ARHGAP15: variants seen among roughly 807,000 people sequenced by gnomAD.
The protein encoded by ARHGAP15 is rho GTPase-activating protein 15.
In ARHGAP15, 51 loss-of-function variants were observed where a neutral mutation model predicts 63.7. The observed-to-expected ratio is 0.80, with a 90% confidence interval of 0.64 to 1.01. The LOEUF (loss-of-function observed/expected upper bound fraction) is 1.01. ARHGAP15 is among the 50% of genes least tolerant of loss of function. The pLI, the probability that ARHGAP15 is intolerant of heterozygous loss-of-function variation, is 0.00. For missense variants in ARHGAP15, 560 were observed against 564.6 expected (o/e 0.99, Z 0.08); for synonymous variants, 191 against 193.8 (o/e 0.99, Z 0.12).
Position 143,493,114 on chromosome 2 carries a change from G to T in ARHGAP15, c.826+5619G>T, listed in dbSNP as rs182122874. Among the ~76,000 whole-genome samples the T allele has an allele frequency of 1.6e-3, 242 of 152,018 alleles. 2 individuals carry two copies. The highest frequency in any genetic ancestry group is 0.01 in the Middle Eastern group (3 of 292). On this transcript the variant is annotated intron_variant, in intron 9 of 13. Coordinates refer to ENST00000295095, the MANE Select transcript of ARHGAP15 (RefSeq NM_018460.4). Reference sequence around the variant, plus strand: ...AATCTATCAACATTCATACTATTATGCTTACATAAGATTGTTTACTGTAGC... The same window carrying T: ...AATCTATCAACATTCATACTATTATTCTTACATAAGATTGTTTACTGTAGC...
chr2:143,321,990 T>C (rs764607405), intron 6 of ARHGAP15, among the ~76,000 whole-genome samples: 9 of 152,256 alleles, frequency 5.9e-5, no homozygotes, highest in African/African-American at 1.2e-4. Context: ...CGTAAGTAGA[T>C]ACAAGCTCTA....
At chr2:143,254,512 A>C (rs191622318) in intron 6 of ARHGAP15, among the ~76,000 whole-genome samples, 1 of 152,214 alleles carries the variant, frequency 6.6e-6, no homozygotes, top group African/African-American at 2.4e-5. Context: ...TTCTGAGTTA[A>C]ATATTTTGGA....
intron 13 of ARHGAP15, among the ~76,000 whole-genome samples, chr2:143,751,365 G>A (rs1686366627): frequency 6.6e-6 from 1 of 152,182 alleles, no homozygotes; most frequent in South Asian, 2.1e-4. Flanking sequence ...GAAGCTGCCT[G>A]CGGACTTGAC....
At chr2:143,730,128 G>A (rs781636828) in intron 13 of ARHGAP15, among the ~76,000 whole-genome samples, 2 of 152,196 alleles carry the variant, frequency 1.3e-5, no homozygotes, top group Non-Finnish European at 2.9e-5. Flanking sequence ...AAGCTACTTT[G>A]AAGATATAAA....
intron 8 of ARHGAP15, among the ~76,000 whole-genome samples, chr2:143,475,635 C>A (rs1026304236): frequency 9.2e-5 from 14 of 152,302 alleles, no homozygotes; most frequent in Admixed American, 8.5e-4. Flanking sequence ...AGGCCAGGAA[C>A]CTGTCTTACA....
At chr2:143,386,453 G>A (rs1194687353) in intron 6 of ARHGAP15, among the ~76,000 whole-genome samples, 3 of 152,092 alleles carry the variant, frequency 2.0e-5, no homozygotes, top group Non-Finnish European at 2.9e-5. Context: ...TGGATTAAAA[G>A]GAGAAAAATC....
At chr2:143,310,787 T>G (rs971886274) in intron 6 of ARHGAP15, among the ~76,000 whole-genome samples, 2 of 152,064 alleles carry the variant, frequency 1.3e-5, no homozygotes, top group East Asian at 3.8e-4. Context: ...ACTAAAACTT[T>G]GATGTACTGT....
rs745838443 is a variant in ARHGAP15, at chr2:143,543,646, AAT to A, written c.926-12750_926-12749del. 4.2e-3 allele frequency among the ~76,000 whole-genome samples: 633 copies of A among 151,586 alleles called. 1 individual carries two copies. The highest frequency in any genetic ancestry group is 7.8e-3 in the African/African-American group (325 of 41,418). ...GATCAGAAAGAAATGAGAGATATTA[AAT>A]ATATATATATAAATATGTATGTGTA... On this transcript the variant is annotated intron_variant, in intron 10 of 13. Transcript: ENST00000295095.
chr2:143,643,632 A>C (rs1680722101), intron 12 of ARHGAP15, among the ~76,000 whole-genome samples: 1 of 152,012 alleles, frequency 6.6e-6, no homozygotes, highest in Admixed American at 6.6e-5. Flanking sequence ...AAAGTTTAAG[A>C]AGCATCTAGT....
chr2:143,427,372 A>G (rs1553478910), intron 6 of ARHGAP15, among the ~76,000 whole-genome samples: 1 of 152,178 alleles, frequency 6.6e-6, no homozygotes, highest in Non-Finnish European at 1.5e-5. Flanking sequence ...TAATATTAAC[A>G]GTGTTCTTGT....
At chr2:143,247,575 G>A (rs1025724429) in intron 5 of ARHGAP15, among the ~76,000 whole-genome samples, 5 of 152,158 alleles carry the variant, frequency 3.3e-5, no homozygotes, top group Non-Finnish European at 1.5e-5. Context: ...AGCTTAGACT[G>A]TTTTACCCAC....
chr2:143,557,908 G>A (rs1195851950), intron 11 of ARHGAP15, among the ~76,000 whole-genome samples: 2 of 152,106 alleles, frequency 1.3e-5, no homozygotes, highest in Non-Finnish European at 2.9e-5. Context: ...AGATGGGGTA[G>A]AACTTAGACT....
At chr2:143,480,026 A>G (rs985544803) in intron 8 of ARHGAP15, among the ~76,000 whole-genome samples, 19 of 152,188 alleles carry the variant, frequency 1.2e-4, no homozygotes, top group African/African-American at 4.3e-4. Context: ...AGTACTCACT[A>G]TGAAACCCAA....
rs550558660 is a variant in ARHGAP15, at chr2:143,757,326, A to G, written c.1245-10663A>G. ...GGAGTTTGAGACCAGCCTGGCCAAT[A>G]TAGGGAAACCCCGTCTCTACTAAAA... On this transcript the variant is annotated intron_variant, in intron 13 of 13. Coordinates refer to ENST00000295095, the MANE Select transcript of ARHGAP15 (RefSeq NM_018460.4). Among the ~76,000 whole-genome samples the G allele has an allele frequency of 6.6e-5, 10 of 152,210 alleles. No individual in the cohort carries two copies. The South Asian group carries it at 2.1e-3, about 32-fold the overall frequency.
chr2:143,587,633 T>C, intron 11 of ARHGAP15: 1 of 432,124 alleles, frequency 2.3e-6, no homozygotes, highest in South Asian at 1.8e-5. Flanking sequence ...GCTTTTCCCT[T>C]CCCATAATGA....
chr2:143,354,559 T>A (rs1183504040), intron 6 of ARHGAP15, among the ~76,000 whole-genome samples: 2 of 152,058 alleles, frequency 1.3e-5, no homozygotes, highest in Non-Finnish European at 1.5e-5. Context: ...AATAACAAAA[T>A]ATTAAATGAT....
At chr2:143,379,227 A>G (rs1433929063) in intron 6 of ARHGAP15, among the ~76,000 whole-genome samples, 1 of 151,998 alleles carries the variant, frequency 6.6e-6, no homozygotes, top group African/African-American at 2.4e-5. Context: ...TGTGCACCAC[A>G]TGAGTAAATC....
chr2:143,147,794 T>G (rs1353679189), intron 1 of ARHGAP15, among the ~76,000 whole-genome samples: 1 of 152,022 alleles, frequency 6.6e-6, no homozygotes, highest in East Asian at 1.9e-4. Flanking sequence ...GGAATATTTT[T>G]TCCGTATCAC....
At chr2:143,738,940 A>T (rs867080099) in intron 13 of ARHGAP15, among the ~76,000 whole-genome samples, 99 of 152,306 alleles carry the variant, frequency 6.5e-4, no homozygotes, top group African/African-American at 2.3e-3. Flanking sequence ...GAGAAAAAGG[A>T]ATATTCTGGT....
Sources: gnomAD v4.1 joint callset for allele counts (sites outside exome capture counted in the v4.1 genomes callset) on GRCh38, gnomAD v4.1.1 for gene constraint, MANE v1.5 for transcripts, NCBI Gene and HGNC (gene_info 2026-07-23, HGNC 2026-07-21) for gene names.